The following OTUD7A variants were observed in gnomAD, a reference collection of about 807,000 sequenced individuals.
The protein encoded by OTUD7A is OTU deubiquitinase 7A.
A neutral mutation model predicts 65.7 loss-of-function variants in OTUD7A; 12 were observed. The observed-to-expected ratio is 0.18, with a 90% CI of 0.12 to 0.30. The LOEUF (loss-of-function observed/expected upper bound fraction) is 0.30, where lower values mean the gene tolerates loss of function less well. OTUD7A is among the 10% of genes least tolerant of loss of function. OTUD7A has a pLI of 1.00. For missense variants in OTUD7A, 1,148 were observed against 1,304.8 expected, an observed-to-expected ratio of 0.88 and a Z score of 1.85; for synonymous variants, 641 against 586.3, an observed-to-expected ratio of 1.09 and a Z score of -1.35.
chr15:31,649,124 T>C (rs144045049), intron 3 of OTUD7A, among the ~76,000 whole-genome samples: 1,983 of 152,338 alleles, frequency 0.013, 21 homozygotes, highest in Non-Finnish European at 0.022. Context: ...AAACATGAGC[T>C]GCCCAATTCT....
chr15:31,686,321 T>G (rs549212770), intron 1 of OTUD7A, among the ~76,000 whole-genome samples: 1 of 152,360 alleles, frequency 6.6e-6, no homozygotes, highest in East Asian at 1.9e-4. Flanking sequence ...ACACAGGCCA[T>G]GAGCGTGGAG....
In OTUD7A at chr15:31,530,790, G is replaced by C; in HGVS notation, c.569C>G (p.Ser190Cys). ...LEQAGRLNWW[S>C]TVCTSCKRLL... ...CCGTTTACAGCTCGTGCACACAGTG[G>C]ACCACCAGTTCAGGCGACCTGGAAA... Residue 190 changes from serine (S) to cysteine (C), a missense_variant, in exon 6 of 13, where the codon TCC (serine) becomes TGC (cysteine). Physicochemically the swap from Ser to Cys is moderately radical, Grantham distance 112. Coordinates refer to ENST00000307050, the MANE Select transcript of OTUD7A (RefSeq NM_001382637.1). The C allele has an allele frequency of 1.2e-6, 2 of 1,613,918 alleles. No homozygotes were observed. Among genetic ancestry groups the C allele is most frequent in the Non-Finnish European group, 1.7e-6 (2 of 1,179,888 alleles).
In OTUD7A at chr15:31,643,931, G is replaced by A. The variant is rs1245713973; in HGVS notation, c.151+11165C>T. On this transcript the variant is annotated intron_variant, in intron 3 of 12. Coordinates refer to ENST00000307050, the MANE Select transcript of OTUD7A (RefSeq NM_001382637.1). ...CTAATAGAAAGCAGCCTGGAAGACC[G>A]GGCTGCAAACAGATAAGGAAGCTGG... 3.9e-5 allele frequency among the ~76,000 whole-genome samples: 6 copies of A among 152,108 alleles called. No individual in the cohort carries two copies. In the East Asian group the frequency reaches 5.8e-4, roughly 15 times the overall value.
intron 1 of OTUD7A, among the ~76,000 whole-genome samples, chr15:31,778,182 T>C (rs1413713947): frequency 1.3e-5 from 2 of 152,134 alleles, no homozygotes; most frequent in African/African-American, 4.8e-5. Context: ...ACAAGTACCA[T>C]ACCCAAGGAA....
chr15:31,662,104 A>C (rs1892181660), intron 1 of OTUD7A, among the ~76,000 whole-genome samples: 1 of 152,164 alleles, frequency 6.6e-6, no homozygotes, highest in Non-Finnish European at 1.5e-5. Context: ...GTTGGCACTG[A>C]GTATCTGTCT....
At chr15:31,490,390 T>A (rs2041302631) in intron 10 of OTUD7A, among the ~76,000 whole-genome samples, 1 of 151,754 alleles carries the variant, frequency 6.6e-6, no homozygotes, top group African/African-American at 2.4e-5. Context: ...ACTTATTTTC[T>A]AAAAAAAAAT....
chr15:31,523,275 C>T (rs1181674497), intron 8 of OTUD7A, among the ~76,000 whole-genome samples: 2 of 152,214 alleles, frequency 1.3e-5, no homozygotes, highest in Admixed American at 6.5e-5. Context: ...CCTGTGGGGC[C>T]GGCACAGGCA....
At chr15:31,787,085 G>A (rs560175137) in intron 1 of OTUD7A, among the ~76,000 whole-genome samples, 4 of 152,328 alleles carry the variant, frequency 2.6e-5, no homozygotes, top group African/African-American at 7.2e-5. Flanking sequence ...GGCCACAGAC[G>A]AGGCTGTTTG....
chr15:31,566,443 T>C (rs184089371), intron 4 of OTUD7A, among the ~76,000 whole-genome samples: 1 of 152,062 alleles, frequency 6.6e-6, no homozygotes, highest in African/African-American at 2.4e-5. Context: ...AACCAATCAA[T>C]AGAAAAATGG....
chr15:31,568,412 C>T (rs1435166748), intron 4 of OTUD7A, among the ~76,000 whole-genome samples: 1 of 152,230 alleles, frequency 6.6e-6, no homozygotes, highest in Non-Finnish European at 1.5e-5. Context: ...GAATGTTTAC[C>T]CGATTGTATC....
chr15:31,645,501 T>G (rs1891635199), intron 3 of OTUD7A, among the ~76,000 whole-genome samples: 1 of 152,184 alleles, frequency 6.6e-6, no homozygotes, highest in Non-Finnish European at 1.5e-5. Context: ...CTCCCACCCA[T>G]TCGCCTGTCC....
intron 10 of OTUD7A, among the ~76,000 whole-genome samples, chr15:31,497,019 G>A (rs770361729): frequency 2.6e-5 from 4 of 152,078 alleles, no homozygotes; most frequent in East Asian, 1.9e-4. Flanking sequence ...GTCTGCAGCC[G>A]TTTCAGAGCT....
At chr15:31,550,100 CA>C (rs1888270494) in intron 5 of OTUD7A, among the ~76,000 whole-genome samples, 1 of 78,996 alleles carries the variant, frequency 1.3e-5, no homozygotes, top group South Asian at 3.2e-4. Flanking sequence ...ACCCTGTCTC[CA>C]GGAAAAAAAA....
In OTUD7A at chr15:31,485,768, T is replaced by G. The variant is rs569149577; in HGVS notation, c.1372-1044A>C. 7.9e-5 allele frequency among the ~76,000 whole-genome samples: 12 copies of G among 152,318 alleles called. No homozygotes were observed. In the East Asian group the frequency reaches 2.3e-3, roughly 29 times the overall value. On this transcript the variant is annotated intron_variant, in intron 12 of 12. Transcript: ENST00000307050. ...GTCCCTGGCTTCCAGGGGATGAGCC[T>G]GGGAGAAGGCCCATTGCTCTCCCAC... is the stretch of plus-strand genomic sequence containing the variant.
intron 3 of OTUD7A, among the ~76,000 whole-genome samples, chr15:31,648,534 T>C (rs1325397093): frequency 6.6e-6 from 1 of 152,208 alleles, no homozygotes; most frequent in Non-Finnish European, 1.5e-5. Flanking sequence ...GAGGAAGTCA[T>C]GCCCAGAGAC....
At chr15:31,581,211 G>A (rs1240278118) in intron 3 of OTUD7A, among the ~76,000 whole-genome samples, 1 of 152,242 alleles carries the variant, frequency 6.6e-6, no homozygotes, top group Non-Finnish European at 1.5e-5. Context: ...TGCAAGAGGT[G>A]GGTTCCCATG....
chr15:31,869,318 G>A (rs973402754), intron 1 of OTUD7A, among the ~76,000 whole-genome samples: 1 of 152,220 alleles, frequency 6.6e-6, no homozygotes, highest in Non-Finnish European at 1.5e-5. Context: ...CTGCCTCCCC[G>A]CCTTCGCCCA....
At chr15:31,593,669 C>T (rs748309381) in intron 3 of OTUD7A, among the ~76,000 whole-genome samples, 9 of 151,990 alleles carry the variant, frequency 5.9e-5, no homozygotes, top group Admixed American at 1.3e-4. Flanking sequence ...GGCTGTAGGG[C>T]GGGACCAGAG....
chr15:31,555,844 C>CTTTTTTT (rs1555396063), intron 5 of OTUD7A, among the ~76,000 whole-genome samples: 1 of 90,464 alleles, frequency 1.1e-5, no homozygotes, highest in African/African-American at 7.7e-5. Context: ...TACCTCTGTT[C>CTTTTTTT]TTTTTCTTTT....
Sources: allele counts gnomAD v4.1 joint callset (sites outside exome capture counted in the v4.1 genomes callset), GRCh38; gene constraint gnomAD v4.1.1; transcripts MANE v1.5; gene names NCBI Gene and HGNC (gene_info 2026-07-23, HGNC 2026-07-21).